Variants in METTL8 observed in about 807,000 individuals in gnomAD.
METTL8 encodes the protein tRNA N(3)-cytidine methyltransferase METTL8, mitochondrial.
In METTL8, 32 loss-of-function variants were observed where a neutral mutation model predicts 48.7. The observed-to-expected ratio is 0.66, with a 90% CI of 0.50 to 0.88. The LOEUF is 0.88. Ranked by LOEUF, METTL8 falls within the 40% of genes least tolerant of loss-of-function variation. The pLI, the probability that METTL8 is intolerant of heterozygous loss-of-function variation, is 0.00. For missense variants in METTL8, 464 were observed against 474.4 expected (o/e 0.98, Z 0.20); for synonymous variants, 136 against 157.1 (o/e 0.87, Z 1.01).
At chr2:171,398,477 G>A (rs1311349269) in intron 1 of METTL8, among the ~76,000 whole-genome samples, 1 of 152,096 alleles carries the variant, frequency 6.6e-6, no homozygotes, top group Non-Finnish European at 1.5e-5. Context: ...GACAGGAAGT[G>A]GAGTGGTGTT....
In METTL8 at chr2:171,372,479, TTTA is replaced by T. The variant is rs376069568; in HGVS notation, c.144-11969_144-11967del. 1.7e-3 allele frequency among the ~76,000 whole-genome samples: 262 copies of T among 151,094 alleles called. 1 individual carries two copies. The highest frequency in any genetic ancestry group is 4.1e-3 in the African/African-American group (169 of 41,282). ...TGTAACACAGGTACAATAATTTCTT[TTTA>T]TTATTATTATTATTATTATACTTTA... On this transcript the variant is annotated intron_variant, in intron 2 of 9. Transcript: ENST00000375258.
In METTL8 at chr2:171,356,952, A is replaced by ATGTTTTTTTTTTTTTTTTTTTTTTTTT; in HGVS notation, c.235+3469_235+3470insAAAAAAAAAAAAAAAAAAAAAAAAACA. ...CAAATTAGCCTTGTTCAAAGACAATATTTTTTTTTTTTTTTTTGAGACAGG... is the reference window on the plus strand; with the variant it reads ...CAAATTAGCCTTGTTCAAAGACAATATGTTTTTTTTTTTTTTTTTTTTTTTTTTTTTTTTTTTTTTTTTTGAGACAGG... On this transcript the variant is annotated intron_variant, in intron 3 of 9. Coordinates refer to ENST00000375258, the MANE Select transcript of METTL8 (RefSeq NM_001321154.2). Among the ~76,000 whole-genome samples the ATGTTTTTTTTTTTTTTTTTTTTTTTTT allele has an allele frequency of 3.8e-5, 3 of 78,468 alleles. 1 individual carries two copies. The highest frequency in any genetic ancestry group is 4.8e-5 in the Non-Finnish European group (2 of 41,406). The allele number at this position is 78,468 out of a possible 152,430, so 51.5% of individuals were successfully genotyped here.
intron 1 of METTL8, among the ~76,000 whole-genome samples, chr2:171,414,984 C>T (rs931962271): frequency 6.6e-6 from 1 of 152,104 alleles, no homozygotes; most frequent in Non-Finnish European, 1.5e-5. Context: ...CTCTCTCTTG[C>T]CTGCTGCCAT....
chr2:171,433,414 A>G (rs562907751), intron 1 of METTL8, among the ~76,000 whole-genome samples: 1 of 152,214 alleles, frequency 6.6e-6, no homozygotes, highest in Non-Finnish European at 1.5e-5. Flanking sequence ...TTGAGCACCT[A>G]TGAACAAGAG....
intron 1 of METTL8, among the ~76,000 whole-genome samples, chr2:171,433,485 T>G (rs188173618): frequency 6.6e-6 from 1 of 152,168 alleles, no homozygotes; most frequent in Non-Finnish European, 1.5e-5. Context: ...ACTTAGAGCA[T>G]GGCGGTGGGA....
chr2:171,351,942 G>C (rs569206042), intron 3 of METTL8, among the ~76,000 whole-genome samples: 1 of 152,152 alleles, frequency 6.6e-6, no homozygotes, highest in South Asian at 2.1e-4. Context: ...TTTCCTAATT[G>C]AATTCCCTTT....
chr2:171,414,432 AC>A (rs1285127602), intron 1 of METTL8, among the ~76,000 whole-genome samples: 137 of 151,078 alleles, frequency 9.1e-4, no homozygotes, highest in African/African-American at 3.0e-3. Flanking sequence ...AAAAAAAAAA[AC>A]ATCTTGCTAA....
At chr2:171,328,654 G>A (rs557861481) in intron 7 of METTL8, among the ~76,000 whole-genome samples, 4 of 152,118 alleles carry the variant, frequency 2.6e-5, no homozygotes, top group Non-Finnish European at 5.9e-5. Context: ...GGGATTACAG[G>A]CATGCAGTAC....
At position 171,321,094 on chromosome 2, in the gene METTL8, A is replaced by C. The variant is rs1168818304; in HGVS notation, c.*3078T>G. ...AGCCTGAGACCTACCTCCCCCAAGA[A>C]ACCTGATTCTTCTCCATTCTTTTTC... On this transcript the variant is annotated 3_prime_UTR_variant, in exon 10 of 10. Coordinates refer to ENST00000375258, the MANE Select transcript of METTL8 (RefSeq NM_001321154.2). 2.0e-5 allele frequency: 3 copies of C among 152,154 alleles called. No homozygotes were observed. The highest frequency in any genetic ancestry group is 4.4e-5 in the Non-Finnish European group (3 of 68,054). 9.4% of individuals were successfully genotyped at this position (152,154 alleles called of 1,614,324 possible). A position where few individuals can be genotyped will look rare whatever the true frequency, so the allele number is the denominator to read the frequency against.
intron 1 of METTL8, among the ~76,000 whole-genome samples, chr2:171,395,607 A>C (rs1048846505): frequency 6.6e-6 from 1 of 152,220 alleles, no homozygotes; most frequent in Non-Finnish European, 1.5e-5. Flanking sequence ...AGGGGCATTT[A>C]ATAATGATAA....
rs901568302 is a variant in METTL8, at chr2:171,322,558, A to G, written c.*1614T>C. 2 of 150,438 alleles carry G rather than the reference A, an allele frequency of 1.3e-5. No individual in the cohort carries two copies. Among genetic ancestry groups the G allele is most frequent in the African/African-American group, 4.9e-5 (2 of 41,050 alleles). The allele number at this position is 150,438 out of a possible 1,614,324, so 9.3% of individuals were successfully genotyped here. ...GAGACCATCCTGGCTAACATGGTGAAACCCCGTCTCTACTAAAAATACAAA... is the reference window on the plus strand; with the variant it reads ...GAGACCATCCTGGCTAACATGGTGAGACCCCGTCTCTACTAAAAATACAAA... On this transcript the variant is annotated 3_prime_UTR_variant, in exon 10 of 10. Coordinates refer to ENST00000375258, the MANE Select transcript of METTL8 (RefSeq NM_001321154.2).
intron 3 of METTL8, among the ~76,000 whole-genome samples, chr2:171,358,362 A>G (rs1425506710): frequency 2.0e-5 from 3 of 151,946 alleles, no homozygotes; most frequent in African/African-American, 4.8e-5. Flanking sequence ...AGAAAAAAAA[A>G]AAAAAAAAGA....
At chr2:171,425,502 T>C (rs1692314374) in intron 1 of METTL8, among the ~76,000 whole-genome samples, 1 of 152,048 alleles carries the variant, frequency 6.6e-6, no homozygotes, top group Non-Finnish European at 1.5e-5. Flanking sequence ...GACTGCCAGG[T>C]TGTGAAAAGG....
intron 1 of METTL8, among the ~76,000 whole-genome samples, chr2:171,393,736 T>C (rs577495624): frequency 3.9e-5 from 6 of 152,274 alleles, no homozygotes; most frequent in East Asian, 1.9e-4. Context: ...TCACAGATCA[T>C]TGGAGGTGCT....
At chr2:171,356,953 T>TGTTTTG (rs1553514755) in intron 3 of METTL8, among the ~76,000 whole-genome samples, 855 of 14,086 alleles carry the variant, frequency 0.061, 55 homozygotes, top group African/African-American at 0.14. Context: ...AAAGACAATA[T>TGTTTTG]TTTTTTTTTT....
At chr2:171,402,688 C>T (rs538105140) in intron 1 of METTL8, among the ~76,000 whole-genome samples, 29 of 152,200 alleles carry the variant, frequency 1.9e-4, no homozygotes, top group African/African-American at 7.0e-4. Context: ...CAAGCACACC[C>T]AGTACCCAGA....
chr2:171,351,563 A>G (rs1009795324), intron 3 of METTL8, among the ~76,000 whole-genome samples: 22 of 152,092 alleles, frequency 1.4e-4, no homozygotes, highest in African/African-American at 5.3e-4. Flanking sequence ...CAGTATGGCC[A>G]TTTTCATGCT....
chr2:171,391,989 C>T, intron 2 of METTL8, 54 bp downstream of exon 2: 1 of 1,483,096 alleles, frequency 6.7e-7, no homozygotes, highest in South Asian at 1.3e-5. Flanking sequence ...AAAATAATAC[C>T]ACTGGTGATA....
intron 2 of METTL8, among the ~76,000 whole-genome samples, chr2:171,374,720 G>A (rs1309350194): frequency 2.1e-5 from 3 of 144,556 alleles, no homozygotes; most frequent in African/African-American, 7.7e-5. Context: ...CTATAGATTA[G>A]TTTGCATTTT....
Sources: gnomAD v4.1 joint callset for allele counts (sites outside exome capture counted in the v4.1 genomes callset) on GRCh38, gnomAD v4.1.1 for gene constraint, MANE v1.5 for transcripts, NCBI Gene and HGNC (gene_info 2026-07-23, HGNC 2026-07-21) for gene names.